ZNF594: variants seen among roughly 807,000 people sequenced by gnomAD.
ZNF594 encodes zinc finger protein 594, also known as zinc finger protein HZF18.
For missense variants in ZNF594, 1,037 were observed against 964.6 expected, an observed-to-expected ratio of 1.08 and a Z score of -0.99; for synonymous variants, 336 against 309.4, an observed-to-expected ratio of 1.09 and a Z score of -0.90.
chr17:5,176,094 C>T (rs886516576), downstream of ZNF594, among the ~76,000 whole-genome samples: 28 of 152,178 alleles, frequency 1.8e-4, 1 homozygote, highest in African/African-American at 6.8e-4. Flanking sequence ...CAAGAATACA[C>T]ATTAAAAATG....
rs772342047 is a variant in ZNF594, at chr17:5,182,402, T to C, written c.1855A>G (p.Ser619Gly). 7.1e-5 allele frequency: 114 copies of C among 1,613,570 alleles called. No individual in the cohort carries two copies. The highest frequency in any genetic ancestry group is 9.3e-5 in the Non-Finnish European group (110 of 1,180,002). ...SDLLRHHRIH[S>G]GEKPYVCNKC... ...TTGCATACATAAGGTTTTTCTCCAC[T>C]GTGAATTCTATGATGTCTCAGAAGG... is the stretch of plus-strand genomic sequence containing the variant. Residue 619 changes from serine (S) to glycine (G), a missense_variant, in exon 2 of 2, where the codon AGT (serine) becomes GGT (glycine). By Grantham distance (56) the Ser-to-Gly change is moderately conservative. Transcript: ENST00000575779.
In ZNF594 at chr17:5,182,023, T is replaced by C; in HGVS notation, c.2234A>G (p.Asp745Gly). The C allele has an allele frequency of 1.2e-6, 2 of 1,613,662 alleles. No individual in the cohort carries two copies. The highest frequency in any genetic ancestry group is 2.2e-5 in the South Asian group (2 of 91,068). The change falls in exon 2 of 2, where the codon GAT becomes GGT. Residue 745 changes from aspartate (D) to glycine (G), a missense_variant. Physicochemically the swap from Asp to Gly is moderately conservative, Grantham distance 94 (BLOSUM62 -1). Coordinates refer to ENST00000575779, the MANE Select transcript of ZNF594 (RefSeq NM_032530.2). Reference sequence around the variant, plus strand: ...TCTCTGCTCTTTTCTAAGCTCCTCATCCTTGCTGAAGGTTTTCTCACATTC... The same window carrying C: ...TCTCTGCTCTTTTCTAAGCTCCTCACCCTTGCTGAAGGTTTTCTCACATTC... ...LEECEKTFSK[D>G]EELRKEQRTH... is the part of the protein sequence containing the mutation.
Position 5,181,793 on chromosome 17 carries a change from A to G in ZNF594, c.*40T>C, listed in dbSNP as rs1567824462. 6.2e-7 allele frequency: 1 copy of G among 1,613,240 alleles called. No individual in the cohort carries two copies. The highest frequency in any genetic ancestry group is 8.5e-7 in the Non-Finnish European group (1 of 1,179,392). ...CTGAGCTGCTCCTAAAAGATTCCCC[A>G]CATTTATTGCATACGTAAGGTTTTT... On this transcript the variant is annotated 3_prime_UTR_variant, in exon 2 of 2. Transcript: ENST00000575779.
chr17:5,178,875 A>AC (rs1223385334), downstream of ZNF594, among the ~76,000 whole-genome samples: 1 of 152,212 alleles, frequency 6.6e-6, no homozygotes, highest in Non-Finnish European at 1.5e-5. Flanking sequence ...ACTAGAAATG[A>AC]CCCCATAAAG....
downstream of ZNF594, among the ~76,000 whole-genome samples, chr17:5,177,767 C>T (rs148812694): frequency 6.7e-3 from 1,016 of 152,146 alleles, 3 homozygotes; most frequent in Admixed American, 9.6e-3. Flanking sequence ...ATCCAGGAGG[C>T]GGAAGTTGCA....
intron 1 of ZNF594, among the ~76,000 whole-genome samples, chr17:5,188,445 C>T (rs1361931051): frequency 2.0e-5 from 3 of 151,926 alleles, no homozygotes; most frequent in Non-Finnish European, 4.4e-5. Context: ...TGTTTGTTCC[C>T]ATAGTACTTT....
intron 1 of ZNF594, among the ~76,000 whole-genome samples, chr17:5,184,959 GC>G (rs1450554730): frequency 6.6e-6 from 1 of 152,158 alleles, no homozygotes; most frequent in African/African-American, 2.4e-5. Context: ...TGATAGTTAA[GC>G]AAATCTGTAC....
Position 5,181,239 on chromosome 17 carries a change from TC to T in ZNF594, c.*593del, listed in dbSNP as rs776828364. ...ACATTTGTTGCATACATAAGGTTTTTCTCCACTGTGAATTCTATGATGTCTC... is the reference window on the plus strand; with the variant it reads ...ACATTTGTTGCATACATAAGGTTTTTTCCACTGTGAATTCTATGATGTCTC... On this transcript the variant is annotated 3_prime_UTR_variant, in exon 2 of 2. Transcript: ENST00000575779. The T allele has an allele frequency of 2.0e-5, 33 of 1,612,230 alleles. No individual in the cohort carries two copies. In the South Asian group the frequency reaches 2.1e-4, roughly 10 times the overall value.
At chr17:5,190,602 CAT>C (rs747949992) in intron 1 of ZNF594, among the ~76,000 whole-genome samples, 2 of 152,200 alleles carry the variant, frequency 1.3e-5, no homozygotes, top group Non-Finnish European at 2.9e-5. Flanking sequence ...AAGACTCACA[CAT>C]GAAACAAGGT....
chr17:5,182,484 T>A lies in ZNF594; in HGVS notation c.1773A>T (p.Thr591=), dbSNP rs2074351245. The A allele has an allele frequency of 6.2e-7, 1 of 1,613,864 alleles. No individual in the cohort carries two copies. The highest frequency in any genetic ancestry group is 1.3e-5 in the African/African-American group (1 of 74,860). ...CTTTGCATTCATATGGTTTCTCTCT[T>A]GTATGAGTTACCTGATGTCTGATGA... ...SDLIRHQVTH[T]REKPYECKEC... Residue 591 remains threonine, a synonymous_variant, in exon 2 of 2, where the codon ACA becomes ACT. Transcript: ENST00000575779.
rs201694905 is a variant in ZNF594, at chr17:5,181,787, T to G, written c.*46A>C. ...TAAGATCTGAGCTGCTCCTAAAAGA[T>G]TCCCCACATTTATTGCATACGTAAG... On this transcript the variant is annotated 3_prime_UTR_variant, in exon 2 of 2. Transcript: ENST00000575779. 32 of 1,612,384 alleles carry G rather than the reference T, an allele frequency of 2.0e-5. No homozygotes were observed. The highest frequency in any genetic ancestry group is 2.6e-5 in the Non-Finnish European group (31 of 1,178,650).
chr17:5,179,938 T>C lies in ZNF594; in HGVS notation c.*1895A>G, dbSNP rs1410317194. The C allele has an allele frequency of 1.3e-5, 2 of 152,074 alleles. No homozygotes were observed. Among genetic ancestry groups the C allele is most frequent in the East Asian group, 3.9e-4 (2 of 5,190 alleles). 9.4% of individuals were successfully genotyped at this position (152,074 alleles called of 1,614,324 possible). ...GACATAGGGGAGTAAAAAGAAGGCCTTGGTGATTAAAAAGTTGGAAACCAC... is the reference window on the plus strand; with the variant it reads ...GACATAGGGGAGTAAAAAGAAGGCCCTGGTGATTAAAAAGTTGGAAACCAC... On this transcript the variant is annotated 3_prime_UTR_variant, in exon 2 of 2. Coordinates refer to ENST00000575779, the MANE Select transcript of ZNF594 (RefSeq NM_032530.2).
rs940126364 is a variant in ZNF594, at chr17:5,187,267, G to A, written c.-20-2991C>T. Among the ~76,000 whole-genome samples the A allele has an allele frequency of 5.3e-5, 8 of 152,214 alleles. No individual in the cohort carries two copies. The South Asian group carries it at 1.4e-3, about 28-fold the overall frequency. On this transcript the variant is annotated intron_variant, in intron 1 of 1. Transcript: ENST00000575779. ...GAGAAAATGAGGAAGATGCAAAAGC[G>A]GAAACCAATGATAAAACCATCAGAT...
downstream of ZNF594, among the ~76,000 whole-genome samples, chr17:5,176,025 C>T (rs1414577199): frequency 6.6e-6 from 1 of 152,132 alleles, no homozygotes; most frequent in African/African-American, 2.4e-5. Flanking sequence ...GTTTCTTTAC[C>T]TCCTTGCTAC....
Position 5,183,302 on chromosome 17 carries a change from C to T in ZNF594, c.955G>A (p.Gly319Arg), listed in dbSNP as rs766046368. 4 of 1,614,100 alleles carry T rather than the reference C, an allele frequency of 2.5e-6. No homozygotes were observed. In the South Asian group the frequency reaches 4.4e-5, roughly 18 times the overall value. ...CTGTGACATTCATAGGGTTTCTCTC[C>T]ACTGTGGAGTCTCTGGTGTTCAGTA... ...HLTEHQRLHS[G>R]EKPYECHRCG... Residue 319 changes from glycine to arginine, a missense_variant, in exon 2 of 2, where the codon GGA becomes AGA. Gly to Arg is a moderately radical substitution (Grantham distance 125, BLOSUM62 -2). Coordinates refer to ENST00000575779, the MANE Select transcript of ZNF594 (RefSeq NM_032530.2).
rs779960906 is a variant in ZNF594 at position 5,182,483 on chromosome 17, T to C, written c.1774A>G (p.Arg592Gly). 1.1e-5 allele frequency: 17 copies of C among 1,613,600 alleles called. No homozygotes were observed. The highest frequency in any genetic ancestry group is 4.5e-5 in the East Asian group (2 of 44,814). Residue 592 changes from arginine (R) to glycine (G), a missense_variant, in exon 2 of 2, where the codon AGA (arginine) becomes GGA (glycine). Arg to Gly is a moderately radical substitution (Grantham distance 125). Transcript: ENST00000575779. ...TCTTTGCATTCATATGGTTTCTCTC[T>C]TGTATGAGTTACCTGATGTCTGATG... ...DLIRHQVTHTREKPYECKECG... is the reference protein window; with the variant it reads ...DLIRHQVTHTGEKPYECKECG...
intron 1 of ZNF594, among the ~76,000 whole-genome samples, chr17:5,190,080 A>T (rs2074411485): frequency 6.6e-6 from 1 of 152,172 alleles, no homozygotes; most frequent in African/African-American, 2.4e-5. Context: ...AAAAGAGCAA[A>T]CACAGGCCGG....
intron 1 of ZNF594, among the ~76,000 whole-genome samples, chr17:5,189,645 C>A (rs1375534135): frequency 1.3e-5 from 2 of 152,114 alleles, no homozygotes; most frequent in Non-Finnish European, 2.9e-5. Flanking sequence ...AGCAATCCTC[C>A]CACTTCAGCC....
rs772570454 is a variant in ZNF594, at chr17:5,182,953, C to T, written c.1304G>A (p.Ser435Asn). The change falls in exon 2 of 2, where the codon AGC becomes AAC. Residue 435 changes from serine to asparagine, a missense_variant. By Grantham distance (46) the Ser-to-Asn change is conservative. Coordinates refer to ENST00000575779, the MANE Select transcript of ZNF594 (RefSeq NM_032530.2). Reference protein sequence around the residue: ...IHSGEKPCVCSKCGKSFRGSS... With the variant: ...IHSGEKPCVCNKCGKSFRGSS... ...GCCCCTAAAAGATTTCCCACATTTG[C>T]TACATACACAAGGTTTTTCTCCACT... 1 of 1,613,944 alleles carries T rather than the reference C, an allele frequency of 6.2e-7. No homozygotes were observed. Among genetic ancestry groups the T allele is most frequent in the East Asian group, 2.2e-5 (1 of 44,830 alleles).
Sources: allele counts gnomAD v4.1 joint callset (sites outside exome capture counted in the v4.1 genomes callset), GRCh38; gene constraint gnomAD v4.1.1; transcripts MANE v1.5; gene names NCBI Gene and HGNC (gene_info 2026-07-23, HGNC 2026-07-21).